CNTNAP5: variants seen among roughly 807,000 people sequenced by gnomAD.
CNTNAP5 encodes the protein contactin-associated protein-like 5.
In CNTNAP5, 72 loss-of-function variants were observed where a neutral mutation model predicts 150.2. That is an observed-to-expected ratio of 0.48 (90% CI 0.40 to 0.58). The LOEUF is 0.58. CNTNAP5 is among the 20% of genes least tolerant of loss of function. CNTNAP5 has a pLI of 0.00. For synonymous variants in CNTNAP5, 672 were observed against 619.8 expected (o/e 1.08, Z -1.25); for missense variants, 1,636 against 1,626.2 (o/e 1.01, Z -0.10).
At chr2:124,179,997 G>T (rs1359089115) in intron 1 of CNTNAP5, among the ~76,000 whole-genome samples, 2 of 151,850 alleles carry the variant, frequency 1.3e-5, no homozygotes, top group Non-Finnish European at 2.9e-5. Context: ...TTCTACCTAG[G>T]TAATTTGGGT....
chr2:124,594,518 C>T, intron 11 of CNTNAP5, among the ~76,000 whole-genome samples: 1 of 150,304 alleles, frequency 6.7e-6, no homozygotes, highest in Non-Finnish European at 1.5e-5. Flanking sequence ...GTACCAGTAC[C>T]ATGCTGTTTT....
chr2:124,740,867 T>C (rs79870838), intron 13 of CNTNAP5, among the ~76,000 whole-genome samples: 5,540 of 152,072 alleles, frequency 0.036, 361 homozygotes, highest in African/African-American at 0.13. Context: ...CAGGGTCATG[T>C]CAAGGAAGCT....
At chr2:124,068,008 T>C (rs917828707) in intron 1 of CNTNAP5, among the ~76,000 whole-genome samples, 1 of 151,910 alleles carries the variant, frequency 6.6e-6, no homozygotes, top group East Asian at 1.9e-4. Context: ...AAAAAGGGAG[T>C]ACACAAGTGG....
At chr2:124,435,835 G>A (rs370480000) in intron 5 of CNTNAP5, among the ~76,000 whole-genome samples, 85 of 152,170 alleles carry the variant, frequency 5.6e-4, no homozygotes, top group African/African-American at 1.8e-3. Context: ...TATAGGCAGC[G>A]GTAGCAGAAA....
chr2:124,807,324 A>G (rs1452764523), intron 19 of CNTNAP5, among the ~76,000 whole-genome samples: 1 of 152,200 alleles, frequency 6.6e-6, no homozygotes, highest in Admixed American at 6.5e-5. Flanking sequence ...TCTGCAGTGG[A>G]AAGATGGGTC....
At chr2:124,064,205 G>A (rs1682094633) in intron 1 of CNTNAP5, among the ~76,000 whole-genome samples, 1 of 152,088 alleles carries the variant, frequency 6.6e-6, no homozygotes, top group African/African-American at 2.4e-5. Flanking sequence ...TCTGAATCAG[G>A]ATTTCTACCA....
chr2:124,600,745 GAGAGAGAGAGAGAGAGAGAGAGAA>G (rs1433762362), intron 11 of CNTNAP5, among the ~76,000 whole-genome samples: 2 of 123,812 alleles, frequency 1.6e-5, no homozygotes, highest in Admixed American at 9.1e-5. Flanking sequence ...GAGAGAGAGA[GAGAGAGAGAGAGAGAGAGAGAGAA>G]AGAGAGAGAA....
chr2:124,778,983 T>C (rs921754473), intron 17 of CNTNAP5, among the ~76,000 whole-genome samples: 2 of 152,212 alleles, frequency 1.3e-5, no homozygotes, highest in Middle Eastern at 3.2e-3. Flanking sequence ...TTATCGTCCC[T>C]GTTTCAAGGT....
intron 1 of CNTNAP5, chr2:124,135,293 G>T (rs1351650045): frequency 6.6e-6 from 1 of 152,222 alleles, no homozygotes; most frequent in Non-Finnish European, 1.5e-5. Flanking sequence ...CTGAGGGCCA[G>T]GCGTGTTTCC....
chr2:124,833,830 T>G (rs1682769556), intron 19 of CNTNAP5, among the ~76,000 whole-genome samples: 1 of 152,150 alleles, frequency 6.6e-6, no homozygotes, highest in Admixed American at 6.6e-5. Flanking sequence ...CTAAGGTCAT[T>G]CATATTTTAA....
At chr2:124,747,722 C>T (rs1026271509) in intron 14 of CNTNAP5, among the ~76,000 whole-genome samples, 6 of 138,740 alleles carry the variant, frequency 4.3e-5, no homozygotes, top group African/African-American at 1.3e-4. Context: ...CAGGTTCAAG[C>T]AATTTTCCTG....
intron 11 of CNTNAP5, among the ~76,000 whole-genome samples, chr2:124,569,867 A>G (rs764272744): frequency 6.6e-6 from 1 of 152,310 alleles, no homozygotes; most frequent in South Asian, 2.1e-4. Flanking sequence ...TTGCAGAGGG[A>G]CAACACTTGC....
At chr2:124,041,189 T>C (rs1558734772) in intron 1 of CNTNAP5, among the ~76,000 whole-genome samples, 1 of 152,228 alleles carries the variant, frequency 6.6e-6, no homozygotes, top group Non-Finnish European at 1.5e-5. Flanking sequence ...ATAACTCTAT[T>C]GATGTTCTCA....
chr2:124,609,225 G>C (rs1423405299), intron 11 of CNTNAP5, among the ~76,000 whole-genome samples: 1 of 152,200 alleles, frequency 6.6e-6, no homozygotes, highest in Non-Finnish European at 1.5e-5. Flanking sequence ...GGCCATGTAA[G>C]AGGTGAGGGG....
At chr2:124,230,278 G>C (rs952790236) in intron 2 of CNTNAP5, among the ~76,000 whole-genome samples, 2 of 151,956 alleles carry the variant, frequency 1.3e-5, no homozygotes, top group Admixed American at 1.3e-4. Flanking sequence ...ATGAGGGTTG[G>C]AAGCAAGCAA....
intron 1 of CNTNAP5, among the ~76,000 whole-genome samples, chr2:124,134,547 T>A (rs1229552687): frequency 6.6e-6 from 1 of 152,206 alleles, no homozygotes; most frequent in Non-Finnish European, 1.5e-5. Flanking sequence ...CAATGAATGC[T>A]CTATCTCATA....
chr2:124,488,070 T>C (rs185088022), intron 7 of CNTNAP5, among the ~76,000 whole-genome samples: 1 of 152,288 alleles, frequency 6.6e-6, no homozygotes, highest in African/African-American at 2.4e-5. Flanking sequence ...CACATTGCAT[T>C]ACCATTATTC....
At chr2:124,666,567 G>A (rs1678705529) in intron 13 of CNTNAP5, among the ~76,000 whole-genome samples, 1 of 152,136 alleles carries the variant, frequency 6.6e-6, no homozygotes, top group Non-Finnish European at 1.5e-5. Flanking sequence ...ATCATGACAG[G>A]GAATTCGCTT....
At chr2:124,365,549 G>C (rs962718600) in intron 3 of CNTNAP5, among the ~76,000 whole-genome samples, 8 of 152,156 alleles carry the variant, frequency 5.3e-5, no homozygotes, top group Non-Finnish European at 1.2e-4. Context: ...TGGAAACACT[G>C]AAACAGTTGG....
Sources: gnomAD v4.1 joint callset for allele counts (sites outside exome capture counted in the v4.1 genomes callset) on GRCh38, gnomAD v4.1.1 for gene constraint, MANE v1.5 for transcripts, NCBI Gene and HGNC (gene_info 2026-07-23, HGNC 2026-07-21) for gene names.